The following JAM3 variants were observed in gnomAD, a reference collection of about 807,000 sequenced individuals.
JAM3 encodes the protein junctional adhesion molecule 3.
Under a neutral mutation model 39.4 loss-of-function variants are expected in JAM3, and 31 were observed. The ratio of observed to expected loss-of-function variants is 0.79; its 90% CI spans 0.59 to 1.06. The LOEUF is 1.06. Ranked by LOEUF, JAM3 falls within the 50% of genes least tolerant of loss-of-function variation. JAM3 has a pLI of 0.00. For missense variants in JAM3, 455 were observed against 391.4 expected (o/e 1.16, Z -1.37); for synonymous variants, 182 against 148.7 (o/e 1.22, Z -1.63).
At position 134,148,607 on chromosome 11, in the gene JAM3, T is replaced by G. The variant is rs139043096; in HGVS notation, c.773T>G (p.Leu258Arg). Reference protein sequence around the residue: ...GVLVVLAVLALITLGICCAYR... With the variant: ...GVLVVLAVLARITLGICCAYR... The stretch of plus-strand genomic sequence containing the variant: ...CTGGTTGTCCTTGCTGTACTGGCCC[T>G]GATCACGTTGGGCATCTGCTGTGCA... Residue 258 changes from leucine to arginine, a missense_variant, in exon 7 of 9, where the codon CTG becomes CGG. Physicochemically the swap from Leu to Arg is moderately radical, Grantham distance 102. Coordinates refer to ENST00000299106, the MANE Select transcript of JAM3 (RefSeq NM_032801.5). The G allele has an allele frequency of 3.1e-6, 5 of 1,614,162 alleles. No individual in the cohort carries two copies. Among genetic ancestry groups the G allele is most frequent in the Non-Finnish European group, 4.2e-6 (5 of 1,180,016 alleles).
chr11:134,112,193 TCTC>T (rs1482247824), intron 1 of JAM3, among the ~76,000 whole-genome samples: 1 of 152,058 alleles, frequency 6.6e-6, no homozygotes, highest in Non-Finnish European at 1.5e-5. Flanking sequence ...TTCAAGGAAT[TCTC>T]CTGCCTCAGC....
chr11:134,074,726 C>G (rs1205993741), intron 1 of JAM3, among the ~76,000 whole-genome samples: 1 of 152,144 alleles, frequency 6.6e-6, no homozygotes, highest in Non-Finnish European at 1.5e-5. Flanking sequence ...TGAGCACCTA[C>G]TCTGTGGCAG....
At chr11:134,084,772 A>T (rs1941721242) in intron 1 of JAM3, among the ~76,000 whole-genome samples, 1 of 152,174 alleles carries the variant, frequency 6.6e-6, no homozygotes, top group South Asian at 2.1e-4. Context: ...CCTGGATTTC[A>T]CCTAGCAGTG....
At chr11:134,115,228 T>G (rs959856790) in intron 1 of JAM3, among the ~76,000 whole-genome samples, 1 of 152,222 alleles carries the variant, frequency 6.6e-6, no homozygotes, top group Non-Finnish European at 1.5e-5. Flanking sequence ...GTTAACTTAG[T>G]ATATCTTTTT....
At position 134,148,038 on chromosome 11, in the gene JAM3, G is replaced by A. The variant is rs1004909815; in HGVS notation, c.713-509G>A. 7 of 194,836 alleles carry A rather than the reference G, an allele frequency of 3.6e-5. No homozygotes were observed. In the South Asian group the frequency reaches 6.0e-4, roughly 17 times the overall value. 12.1% of individuals were successfully genotyped at this position (194,836 alleles called of 1,614,324 possible). The stretch of plus-strand genomic sequence containing the variant: ...CAGAGGGCTTATAGATCGGAGGTCA[G>A]GCAGCCGGCAGAGACAAAGCTCTAG... On this transcript the variant is annotated intron_variant, in intron 6 of 8. Transcript: ENST00000299106.
intron 1 of JAM3, among the ~76,000 whole-genome samples, chr11:134,074,046 G>C (rs765176600): frequency 1.1e-4 from 16 of 152,162 alleles, no homozygotes; most frequent in Non-Finnish European, 2.2e-4. Flanking sequence ...ACAAGGTTAA[G>C]AAGGAGAAAA....
At chr11:134,111,075 C>T (rs1942299370) in intron 1 of JAM3, among the ~76,000 whole-genome samples, 1 of 149,570 alleles carries the variant, frequency 6.7e-6, no homozygotes, top group South Asian at 2.1e-4. Flanking sequence ...TCTTTGTTCT[C>T]ACTCTACCTT....
intron 1 of JAM3, among the ~76,000 whole-genome samples, chr11:134,103,054 T>C (rs955324515): frequency 2.0e-5 from 3 of 152,000 alleles, no homozygotes; most frequent in Non-Finnish European, 4.4e-5. Context: ...CCAAGACACA[T>C]AATTGCCAGA....
intron 1 of JAM3, among the ~76,000 whole-genome samples, chr11:134,102,186 T>C (rs906481838): frequency 4.6e-5 from 7 of 152,260 alleles, no homozygotes; most frequent in African/African-American, 1.4e-4. Flanking sequence ...GGAGTTCATA[T>C]AAAACCCAGA....
Position 134,098,139 on chromosome 11 carries a change from C to T in JAM3, c.76+28980C>T, listed in dbSNP as rs11827810. ...TACCCAGGGCATCGTGCTAAAGTGT[C>T]ACCCAAGCTCTGCTCTCCAGGGGAA... On this transcript the variant is annotated intron_variant, in intron 1 of 8. Transcript: ENST00000299106. Among the ~76,000 whole-genome samples the T allele has an allele frequency of 5.6e-3, 853 of 152,242 alleles. 5 individuals carry two copies. The highest frequency in any genetic ancestry group is 0.019 in the African/African-American group (804 of 41,528).
At chr11:134,108,754 A>G (rs59817024) in intron 1 of JAM3, among the ~76,000 whole-genome samples, 1 of 152,056 alleles carries the variant, frequency 6.6e-6, no homozygotes, top group East Asian at 1.9e-4. Context: ...CATTTATGAT[A>G]AAAAAAACTT....
chr11:134,104,500 C>CT (rs1269500152), intron 1 of JAM3, among the ~76,000 whole-genome samples: 3 of 152,138 alleles, frequency 2.0e-5, no homozygotes, highest in African/African-American at 7.2e-5. Flanking sequence ...CAAGAAATAA[C>CT]TAAGATCAGA....
intron 6 of JAM3, among the ~76,000 whole-genome samples, chr11:134,147,529 C>G (rs997760925): frequency 2.0e-5 from 3 of 150,918 alleles, no homozygotes; most frequent in Non-Finnish European, 4.4e-5. Flanking sequence ...CTCTGTCACC[C>G]AGGCTGGAGT....
intron 1 of JAM3, among the ~76,000 whole-genome samples, chr11:134,082,470 G>A (rs1941683104): frequency 6.6e-6 from 1 of 152,124 alleles, no homozygotes; most frequent in African/African-American, 2.4e-5. Flanking sequence ...TAATGTGGGG[G>A]GGAACCGATG....
At chr11:134,133,984 AG>A (rs1942815045) in intron 1 of JAM3, among the ~76,000 whole-genome samples, 1 of 152,146 alleles carries the variant, frequency 6.6e-6, no homozygotes, top group African/African-American at 2.4e-5. Flanking sequence ...TAATATGCTA[AG>A]GGTTCTAATG....
chr11:134,082,978 CTCTT>C (rs1354317286), intron 1 of JAM3, among the ~76,000 whole-genome samples: 3 of 152,144 alleles, frequency 2.0e-5, no homozygotes, highest in African/African-American at 7.2e-5. Context: ...TTCATGAAGT[CTCTT>C]GAAGCCTGAC....
Position 134,095,332 on chromosome 11 carries a change from C to G in JAM3, c.76+26173C>G, listed in dbSNP as rs1417573558. ...TTTATTGGCACATGAAGTCTTTTGACTAAGATTTGTTCTAATAGGCCCAGC... is the reference window on the plus strand; with the variant it reads ...TTTATTGGCACATGAAGTCTTTTGAGTAAGATTTGTTCTAATAGGCCCAGC... On this transcript the variant is annotated intron_variant, in intron 1 of 8. Coordinates refer to ENST00000299106, the MANE Select transcript of JAM3 (RefSeq NM_032801.5). Among the ~76,000 whole-genome samples the G allele has an allele frequency of 2.0e-5, 3 of 151,912 alleles. No homozygotes were observed. The East Asian group carries it at 5.8e-4, about 29-fold the overall frequency.
chr11:134,124,136 A>G (rs1447813026), intron 1 of JAM3: 12 of 1,483,974 alleles, frequency 8.1e-6, no homozygotes, highest in Admixed American at 1.7e-5. Flanking sequence ...CAAATGGCCA[A>G]TCTAGAAGGT....
In JAM3 at chr11:134,149,169, G is replaced by T. The variant is rs144672452; in HGVS notation, c.921G>T (p.Ser307=). The T allele has an allele frequency of 2.5e-6, 4 of 1,613,870 alleles. No homozygotes were observed. Among genetic ancestry groups the T allele is most frequent in the African/African-American group, 1.3e-5 (1 of 74,934 alleles). Residue 307 remains serine (S), a synonymous_variant, in exon 9 of 9, where the codon TCG becomes TCT. Transcript: ENST00000299106. The part of the protein sequence containing the change: ...DEEGDFRHKS[S]FVI ...AGGGCGACTTCAGACACAAGTCATC[G>T]TTTGTGATCTGAGACCCGCGGTGTG...
Sources: gnomAD v4.1 joint callset for allele counts (sites outside exome capture counted in the v4.1 genomes callset) on GRCh38, gnomAD v4.1.1 for gene constraint, MANE v1.5 for transcripts, NCBI Gene and HGNC (gene_info 2026-07-23, HGNC 2026-07-21) for gene names.